CDC16: variants seen among roughly 807,000 people sequenced by gnomAD.
CDC16 encodes cell division cycle protein 16 homolog.
A neutral mutation model predicts 87.0 loss-of-function variants in CDC16; 34 were observed. That is an observed-to-expected ratio of 0.39 (90% confidence interval 0.30 to 0.52). The LOEUF is 0.52. CDC16 is among the 20% of genes least tolerant of loss of function. The probability of loss-of-function intolerance (pLI) is 0.74; values close to 1 mark genes in which losing one functional copy is unlikely to be tolerated. For missense variants in CDC16, 653 were observed against 751.9 expected (o/e 0.87, Z 1.54); for synonymous variants, 263 against 260.6 (o/e 1.01, Z -0.09).
At position 114,259,698 on chromosome 13, in the gene CDC16, G is replaced by A. The variant is rs563008398; in HGVS notation, c.1314+300G>A. On this transcript the variant is annotated intron_variant, in intron 14 of 17. Coordinates refer to ENST00000356221, the MANE Select transcript of CDC16 (RefSeq NM_001078645.3). ...AAGCTAGGAATAGTCATTGGGTCAC[G>A]GAAACAATTGGGCACTGTAGCGTCA... Among the ~76,000 whole-genome samples the A allele has an allele frequency of 9.8e-4, 149 of 152,286 alleles. 2 individuals are homozygous for A. The highest frequency in any genetic ancestry group is 3.4e-3 in the African/African-American group (142 of 41,548).
chr13:114,241,868 T>C (rs1314695079), intron 5 of CDC16, among the ~76,000 whole-genome samples: 4 of 152,120 alleles, frequency 2.6e-5, no homozygotes, highest in Non-Finnish European at 5.9e-5. Context: ...CTAGGCAACA[T>C]AGCAAGATTG....
chr13:114,265,116 T>C (rs2083116189), intron 16 of CDC16, 34 bp from the exon 17 acceptor site: 2 of 1,413,712 alleles, frequency 1.4e-6, no homozygotes, highest in African/African-American at 2.8e-5. Flanking sequence ...AAATATGTTT[T>C]CTTTTAATAA....
intron 6 of CDC16, 188 bp downstream of exon 6, chr13:114,242,468 C>T (rs749350245): frequency 6.5e-5 from 36 of 550,320 alleles, no homozygotes; most frequent in Non-Finnish European, 9.2e-5. Flanking sequence ...TTGTGCTGTC[C>T]GAATCTAGGG....
rs553808096 is a variant in CDC16 at position 114,265,877 on chromosome 13, G to A, written c.1603+637G>A. On this transcript the variant is annotated intron_variant, in intron 17 of 17. Coordinates refer to ENST00000356221, the MANE Select transcript of CDC16 (RefSeq NM_001078645.3). ...GTTGCCCAGGCTGGAGTGCAATGGC[G>A]CAACCTCTGCCCACCGCAACCCCTG... 9.2e-5 allele frequency among the ~76,000 whole-genome samples: 14 copies of A among 151,620 alleles called. No homozygotes were observed. In the East Asian group the frequency reaches 2.1e-3, roughly 23 times the overall value.
chr13:114,242,165 T>G lies in CDC16; in HGVS notation c.426T>G (p.Ala142=), dbSNP rs1268568076. The change falls in exon 6 of 18, where the codon GCT becomes GCG. Residue 142 remains alanine (A), a synonymous_variant. Transcript: ENST00000356221. ...ICLLRGKIYD[A]LDNRTLATYS... ...TTCTACGCGGGAAAATCTATGATGC[T>G]CTAGATAACCGAACCCTGGCTACCT... 4 of 1,613,608 alleles carry G rather than the reference T, an allele frequency of 2.5e-6. No individual in the cohort carries two copies. In the African/African-American group the frequency reaches 5.3e-5, roughly 22 times the overall value.
chr13:114,259,234 C>G (rs1420663972), intron 13 of CDC16, 101 bp from the exon 14 acceptor site: 1 of 651,200 alleles, frequency 1.5e-6, no homozygotes, highest in African/African-American at 1.9e-5. Flanking sequence ...GCAGTTTACC[C>G]CATTGCATTT....
At chr13:114,253,544 G>A (rs571531187) in intron 12 of CDC16, among the ~76,000 whole-genome samples, 1 of 152,016 alleles carries the variant, frequency 6.6e-6, no homozygotes, top group Admixed American at 6.6e-5. Flanking sequence ...ACAAAAATTA[G>A]CCGGGTGTGG....
intron 5 of CDC16, among the ~76,000 whole-genome samples, chr13:114,241,527 T>C (rs1326943164): frequency 2.0e-5 from 3 of 152,188 alleles, no homozygotes; most frequent in Non-Finnish European, 4.4e-5. Flanking sequence ...CTCTAAATCA[T>C]TGCACTGTTT....
At chr13:114,238,902 T>C in intron 3 of CDC16, 88 bp from the exon 4 acceptor site, 1 of 1,463,352 alleles carries the variant, frequency 6.8e-7, no homozygotes, top group Non-Finnish European at 9.2e-7. Context: ...ATTATGAAAT[T>C]AGTTCTATTT....
At chr13:114,266,625 G>A (rs2083232923) in intron 17 of CDC16, among the ~76,000 whole-genome samples, 1 of 152,058 alleles carries the variant, frequency 6.6e-6, no homozygotes. Context: ...CTCTACGGCA[G>A]TATAAACAGT....
At chr13:114,246,132 C>A in intron 10 of CDC16, 83 bp downstream of exon 10, 1 of 613,140 alleles carries the variant, frequency 1.6e-6, no homozygotes, top group East Asian at 3.1e-5. Context: ...TAGACAATAG[C>A]TTAAGTTCAA....
At chr13:114,270,668 G>C (rs912662682) in intron 17 of CDC16, among the ~76,000 whole-genome samples, 20 of 152,172 alleles carry the variant, frequency 1.3e-4, no homozygotes, top group Non-Finnish European at 2.4e-4. Flanking sequence ...ATGTGCTTAA[G>C]GGGATTCACA....
chr13:114,250,760 G>T, intron 12 of CDC16, 86 bp downstream of exon 12: 1 of 1,320,698 alleles, frequency 7.6e-7, no homozygotes, highest in Non-Finnish European at 1.1e-6. Flanking sequence ...CTGCTATTTG[G>T]TTGCTAAACT....
chr13:114,242,073 A>G (rs762229524), intron 5 of CDC16, 48 bp from the exon 6 acceptor site: 59 of 1,547,776 alleles, frequency 3.8e-5, no homozygotes, highest in Non-Finnish European at 4.7e-5. Context: ...AAAAAAAGTT[A>G]AGTTTAAAAG....
In CDC16 at chr13:114,261,948, A is replaced by C; in HGVS notation, c.1376A>C (p.Lys459Thr). 15 of 1,582,906 alleles carry C rather than the reference A, an allele frequency of 9.5e-6. No individual in the cohort carries two copies. Among genetic ancestry groups the C allele is most frequent in the Non-Finnish European group, 1.3e-5 (15 of 1,158,820 alleles). Residue 459 changes from lysine to threonine, a missense_variant and splice_region_variant, in exon 15 of 18, where the codon AAA (lysine) becomes ACA (threonine). Coordinates refer to ENST00000356221, the MANE Select transcript of CDC16 (RefSeq NM_001078645.3). ...NNLGHVCRKL[K>T]KYAEALDYHR... Reference sequence around the variant, plus strand: ...TTGGGGCATGTCTGCAGAAAACTTAAGTAAGTGAAGTAGAGCATTTTCAGA... The same window carrying C: ...TTGGGGCATGTCTGCAGAAAACTTACGTAAGTGAAGTAGAGCATTTTCAGA...
intron 11 of CDC16, among the ~76,000 whole-genome samples, chr13:114,248,637 C>T (rs2081990880): frequency 6.6e-6 from 1 of 151,810 alleles, no homozygotes; most frequent in African/African-American, 2.4e-5. Context: ...GCTGAGATTG[C>T]ACTACTGCAC....
intron 12 of CDC16, among the ~76,000 whole-genome samples, chr13:114,252,187 A>G (rs533717486): frequency 2.2e-3 from 325 of 149,858 alleles, no homozygotes; most frequent in African/African-American, 7.4e-3. Flanking sequence ...AGAGCCCTAC[A>G]CTAGCCCTGT....
intron 8 of CDC16, 192 bp from the exon 9 acceptor site, chr13:114,244,698 A>G: frequency 2.5e-6 from 1 of 398,292 alleles, no homozygotes; most frequent in Non-Finnish European, 4.5e-6. Context: ...ATAAACCAGA[A>G]TTTTTTCTTT....
At chr13:114,257,776 T>C (rs918801875) in intron 13 of CDC16, among the ~76,000 whole-genome samples, 1 of 151,680 alleles carries the variant, frequency 6.6e-6, no homozygotes, top group African/African-American at 2.4e-5. Context: ...TTAGTTTCAG[T>C]TTTTTTTGGT....
Sources: allele counts gnomAD v4.1 joint callset (sites outside exome capture counted in the v4.1 genomes callset), GRCh38; gene constraint gnomAD v4.1.1; transcripts MANE v1.5; gene names NCBI Gene and HGNC (gene_info 2026-07-23, HGNC 2026-07-21).